The following FBXL17 variants were observed in gnomAD, a reference collection of about 807,000 sequenced individuals.
FBXL17 encodes the protein F-box/LRR-repeat protein 17.
A neutral mutation model predicts 66.2 loss-of-function variants in FBXL17; 22 were observed. That is an observed-to-expected ratio of 0.33 (90% confidence interval 0.24 to 0.47). The LOEUF (loss-of-function observed/expected upper bound fraction) is 0.47. FBXL17 is among the 20% of genes least tolerant of loss of function. The probability of loss-of-function intolerance (pLI) is 1.00; values close to 1 mark genes in which losing one functional copy is unlikely to be tolerated. For synonymous variants in FBXL17, 474 were observed against 400.5 expected, an observed-to-expected ratio of 1.18 and a Z score of -2.19; for missense variants, 878 against 948.2, an observed-to-expected ratio of 0.93 and a Z score of 0.97.
chr5:108,191,462 G>A (rs1457469807), intron 5 of FBXL17, among the ~76,000 whole-genome samples: 1 of 152,130 alleles, frequency 6.6e-6, no homozygotes, highest in Non-Finnish European at 1.5e-5. Flanking sequence ...ACAAGAAGAT[G>A]GTGAGAGCAT....
At chr5:108,253,692 A>C (rs949433543) in intron 4 of FBXL17, among the ~76,000 whole-genome samples, 3 of 152,134 alleles carry the variant, frequency 2.0e-5, no homozygotes, top group African/African-American at 7.2e-5. Flanking sequence ...ATAGCAAATA[A>C]TTAAAAATGT....
intron 6 of FBXL17, among the ~76,000 whole-genome samples, chr5:108,150,817 C>T (rs1751744475): frequency 6.6e-6 from 1 of 152,172 alleles, no homozygotes; most frequent in Non-Finnish European, 1.5e-5. Flanking sequence ...GATATCTGAT[C>T]AACTGATTAA....
chr5:107,916,163 T>C (rs1413283745), intron 7 of FBXL17, among the ~76,000 whole-genome samples: 3 of 152,232 alleles, frequency 2.0e-5, no homozygotes, highest in Non-Finnish European at 2.9e-5. Context: ...CCCAGTGTTA[T>C]GTCCATATTT....
chr5:107,914,875 G>A (rs1750076574), intron 7 of FBXL17, among the ~76,000 whole-genome samples: 1 of 152,124 alleles, frequency 6.6e-6, no homozygotes, highest in African/African-American at 2.4e-5. Context: ...CATATAACTA[G>A]AACTACCTCT....
intron 4 of FBXL17, among the ~76,000 whole-genome samples, chr5:108,345,062 C>T (rs1430089672): frequency 1.3e-5 from 2 of 152,052 alleles, no homozygotes; most frequent in Non-Finnish European, 2.9e-5. Context: ...AGGCCGGGCA[C>T]GGTGGCTCAC....
chr5:108,171,135 T>G (rs1361693679), intron 6 of FBXL17, among the ~76,000 whole-genome samples: 1 of 152,206 alleles, frequency 6.6e-6, no homozygotes, highest in Non-Finnish European at 1.5e-5. Flanking sequence ...ATTCTCTAAA[T>G]GAATACTCAA....
intron 4 of FBXL17, among the ~76,000 whole-genome samples, chr5:108,282,570 T>C (rs1757742591): frequency 6.6e-6 from 1 of 151,566 alleles, no homozygotes; most frequent in African/African-American, 2.4e-5. Context: ...TACTAAATGA[T>C]GAGTATTTAA....
At chr5:107,898,005 C>T (rs910930984) in intron 7 of FBXL17, among the ~76,000 whole-genome samples, 2 of 152,120 alleles carry the variant, frequency 1.3e-5, no homozygotes, top group East Asian at 1.9e-4. Flanking sequence ...ATAGACACTA[C>T]ACCAGAGCAA....
At position 107,913,066 on chromosome 5, in the gene FBXL17, A is replaced by G. The variant is rs551561132; in HGVS notation, c.1823-31887T>C. Among the ~76,000 whole-genome samples the G allele has an allele frequency of 1.9e-4, 29 of 152,104 alleles. No individual in the cohort carries two copies. The South Asian group carries it at 4.6e-3, about 24-fold the overall frequency. ...TAAAAGTAGAGATCATATTTTATTT[A>G]TTTTTTTATCTTAACAATGATTAGC... is the stretch of plus-strand genomic sequence containing the variant. On this transcript the variant is annotated intron_variant, in intron 7 of 8. Transcript: ENST00000542267.
intron 8 of FBXL17, among the ~76,000 whole-genome samples, chr5:107,862,193 T>C (rs1268215469): frequency 5.3e-5 from 8 of 152,044 alleles, no homozygotes; most frequent in Admixed American, 5.3e-4. Flanking sequence ...AGCAGTAAGA[T>C]AGCTAATGTG....
At chr5:108,329,198 G>T (rs1760002726) in intron 4 of FBXL17, among the ~76,000 whole-genome samples, 1 of 151,900 alleles carries the variant, frequency 6.6e-6, no homozygotes, top group South Asian at 2.1e-4. Context: ...AACACAAGTA[G>T]AAATAAAAAT....
chr5:108,381,576 G>A lies in FBXL17; in HGVS notation c.116C>T (p.Ala39Val). 1.4e-6 allele frequency: 2 copies of A among 1,448,198 alleles called. No homozygotes were observed. The highest frequency in any genetic ancestry group is 1.4e-5 in the South Asian group (1 of 72,546). The allele number at this position is 1,448,198 out of a possible 1,614,324, so 89.7% of individuals were successfully genotyped here. A position where few individuals can be genotyped will look rare whatever the true frequency, so the allele number is the denominator to read the frequency against. The change falls in exon 1 of 9, where the codon GCC becomes GTC. Residue 39 changes from alanine to valine, a missense_variant. Coordinates refer to ENST00000542267, the MANE Select transcript of FBXL17 (RefSeq NM_001163315.3). The part of the protein sequence containing the change: ...PLLRLPRRTP[A>V]KVPPQPAAPR... The stretch of plus-strand genomic sequence containing the variant: ...CGCCGCCGGCTGAGGGGGCACCTTG[G>A]CTGGGGTCCGGCGGGGCAGCCTGAG...
intron 3 of FBXL17, among the ~76,000 whole-genome samples, chr5:108,354,680 A>T (rs1158592474): frequency 6.6e-6 from 1 of 151,880 alleles, no homozygotes; most frequent in Non-Finnish European, 1.5e-5. Context: ...AACAAAGAAA[A>T]AACTACACCT....
intron 4 of FBXL17, among the ~76,000 whole-genome samples, chr5:108,228,998 C>A (rs1182122920): frequency 1.3e-5 from 2 of 152,164 alleles, no homozygotes; most frequent in Non-Finnish European, 2.9e-5. Flanking sequence ...TGAACAAATT[C>A]TAATGCCTTC....
At chr5:108,055,468 G>A (rs1044677522) in intron 6 of FBXL17, among the ~76,000 whole-genome samples, 4 of 151,058 alleles carry the variant, frequency 2.6e-5, no homozygotes, top group Non-Finnish European at 5.9e-5. Flanking sequence ...AATTAGCTGG[G>A]TATGGTGGTG....
At chr5:108,315,144 T>C (rs1759302560) in intron 4 of FBXL17, among the ~76,000 whole-genome samples, 1 of 151,018 alleles carries the variant, frequency 6.6e-6, no homozygotes, top group African/African-American at 2.4e-5. Context: ...GGAAAAAACA[T>C]ATAAATTTGG....
At chr5:108,270,940 A>G (rs1757241816) in intron 4 of FBXL17, among the ~76,000 whole-genome samples, 1 of 151,994 alleles carries the variant, frequency 6.6e-6, no homozygotes, top group Admixed American at 6.6e-5. Context: ...TTCATGGTAA[A>G]CATTCATCTC....
At chr5:108,061,634 T>C (rs1747927462) in intron 6 of FBXL17, among the ~76,000 whole-genome samples, 1 of 152,182 alleles carries the variant, frequency 6.6e-6, no homozygotes. Context: ...TAGGCTTTGT[T>C]AGAGCTCATT....
intron 6 of FBXL17, among the ~76,000 whole-genome samples, chr5:108,166,670 G>C (rs1160491743): frequency 6.6e-6 from 1 of 152,152 alleles, no homozygotes; most frequent in Non-Finnish European, 1.5e-5. Flanking sequence ...AATAGATAAA[G>C]AGTCAAGAGC....
Sources: gnomAD v4.1 joint callset for allele counts (sites outside exome capture counted in the v4.1 genomes callset) on GRCh38, gnomAD v4.1.1 for gene constraint, MANE v1.5 for transcripts, NCBI Gene and HGNC (gene_info 2026-07-23, HGNC 2026-07-21) for gene names.